The following GRAMD2B variants were observed in gnomAD, a reference collection of about 807,000 sequenced individuals.
The protein encoded by GRAMD2B is GRAM domain-containing protein 2B.
GRAMD2B carries 41 observed loss-of-function variants against 59.2 expected under a neutral mutation model. The ratio of observed to expected loss-of-function variants is 0.69; its 90% CI spans 0.54 to 0.90. The LOEUF (loss-of-function observed/expected upper bound fraction) is 0.90, where lower values mean the gene tolerates loss of function less well. GRAMD2B is among the 40% of genes least tolerant of loss of function. The probability of loss-of-function intolerance (pLI) is 0.00; values close to 1 mark genes in which losing one functional copy is unlikely to be tolerated. For synonymous variants in GRAMD2B, 161 were observed against 182.7 expected, an observed-to-expected ratio of 0.88 and a Z score of 0.96; for missense variants, 424 against 500.5, an observed-to-expected ratio of 0.85 and a Z score of 1.46.
chr5:126,390,615 T>C (rs1023475864), intron 1 of GRAMD2B, among the ~76,000 whole-genome samples: 2 of 152,212 alleles, frequency 1.3e-5, no homozygotes, highest in Admixed American at 1.3e-4. Flanking sequence ...CAGAAAGTTA[T>C]ATAACCGTAA....
At chr5:126,485,589 G>A in intron 10 of GRAMD2B, 97 bp from the exon 11 acceptor site, 1 of 660,414 alleles carries the variant, frequency 1.5e-6, no homozygotes, top group Non-Finnish European at 2.6e-6. Flanking sequence ...TTTTACCTGG[G>A]AACAATTACC....
rs571767020 is a variant in GRAMD2B, at chr5:126,441,298, C to G, written c.83+17609C>G. ...TTGTAATGTTGTAATCATTGTCCCT[C>G]AAATTAAGTCTCACATCAAACTGTG... On this transcript the variant is annotated intron_variant, in intron 1 of 13. Transcript: ENST00000285689. 2.0e-5 allele frequency among the ~76,000 whole-genome samples: 3 copies of G among 152,278 alleles called. No homozygotes were observed. The East Asian group carries it at 5.8e-4, about 29-fold the overall frequency.
upstream of GRAMD2B, chr5:126,423,133 C>A: frequency 1.0e-6 from 1 of 994,176 alleles, no homozygotes; most frequent in Non-Finnish European, 1.2e-6. Context: ...ACTCAGACGT[C>A]TCCATTTCCG....
In GRAMD2B at chr5:126,472,305, G is replaced by GT. The variant is rs763535271; in HGVS notation, c.382+2dup. ...CCAACGGAGGAACCACTGAAGCAAA[G>GT]TAAGTTCTGACCTGTTTGACTTTTT... On this transcript the variant is annotated splice_donor_variant, in intron 4 of 13. Transcript: ENST00000285689. LOFTEE classifies it high-confidence loss of function. 1.9e-6 allele frequency: 3 copies of GT among 1,613,186 alleles called. No homozygotes were observed. The highest frequency in any genetic ancestry group is 2.5e-6 in the Non-Finnish European group (3 of 1,179,146).
At chr5:126,411,757 T>C (rs1758809983) in intron 1 of GRAMD2B, among the ~76,000 whole-genome samples, 1 of 152,088 alleles carries the variant, frequency 6.6e-6, no homozygotes, top group Admixed American at 6.6e-5. Context: ...TTTCCATTTG[T>C]TTGTGTCATT....
chr5:126,365,083 T>C (rs1398813914), intron 1 of GRAMD2B, among the ~76,000 whole-genome samples: 1 of 152,254 alleles, frequency 6.6e-6, no homozygotes, highest in African/African-American at 2.4e-5. Flanking sequence ...TTCATTGTGA[T>C]TATCTCTGGT....
chr5:126,445,668 C>G (rs1164748705), intron 1 of GRAMD2B: 1 of 152,144 alleles, frequency 6.6e-6, no homozygotes. Context: ...TAAAGAGAAG[C>G]AGCTGCAGCC....
Position 126,457,187 on chromosome 5 carries a change from G to A in GRAMD2B, c.84-8239G>A, listed in dbSNP as rs570133309. 4.0e-3 allele frequency among the ~76,000 whole-genome samples: 221 copies of A among 55,880 alleles called. 1 individual carries two copies. Among genetic ancestry groups the A allele is most frequent in the African/African-American group, 0.015 (212 of 14,328 alleles). The allele number at this position is 55,880 out of a possible 152,430, so 36.7% of individuals were successfully genotyped here. A position where few individuals can be genotyped will look rare whatever the true frequency, so the allele number is the denominator to read the frequency against. ...AGCAGAGGCGACAGTGCGAGACTCCGTCTCAAAAAAAAAAAAAAAAAAAAA... is the reference window on the plus strand; with the variant it reads ...AGCAGAGGCGACAGTGCGAGACTCCATCTCAAAAAAAAAAAAAAAAAAAAA... On this transcript the variant is annotated intron_variant, in intron 1 of 13. Coordinates refer to ENST00000285689, the MANE Select transcript of GRAMD2B (RefSeq NM_023927.4).
rs116044953 is a variant in GRAMD2B at position 126,365,453 on chromosome 5, T to C, written c.128+4994T>C. 7.2e-3 allele frequency among the ~76,000 whole-genome samples: 1,096 copies of C among 152,352 alleles called. 16 individuals carry two copies. Among genetic ancestry groups the C allele is most frequent in the African/African-American group, 0.025 (1,019 of 41,574 alleles). ...TGCAATTTGACAGATAATAATGCTA[T>C]TGAAATCAAGAATGCTGCTTTTTAA... On this transcript the variant is annotated intron_variant, in intron 1 of 13. Coordinates refer to the GRAMD2B transcript ENST00000513040.
At chr5:126,373,662 T>C (rs1389354219) in intron 1 of GRAMD2B, among the ~76,000 whole-genome samples, 5 of 152,154 alleles carry the variant, frequency 3.3e-5, no homozygotes, top group Admixed American at 3.3e-4. Context: ...AAATACATAA[T>C]TCAAAAATTA....
rs557074005 is a variant in GRAMD2B, at chr5:126,446,634, A to C, written c.84-18792A>C. Among the ~76,000 whole-genome samples, 691 of 152,000 alleles carry C rather than the reference A, an allele frequency of 4.5e-3. 5 individuals are homozygous for C. Among genetic ancestry groups the C allele is most frequent in the African/African-American group, 0.015 (624 of 41,500 alleles). ...CTTTTAAAAATTAAAAAAAAAAAAA[A>C]AAAAAACCTATGTGTTCTCAATTTG... On this transcript the variant is annotated intron_variant, in intron 1 of 13. Coordinates refer to ENST00000285689, the MANE Select transcript of GRAMD2B (RefSeq NM_023927.4).
At chr5:126,385,264 T>G (rs1388173995) in intron 1 of GRAMD2B, among the ~76,000 whole-genome samples, 1 of 152,216 alleles carries the variant, frequency 6.6e-6, no homozygotes, top group Non-Finnish European at 1.5e-5. Context: ...CACAGGGATT[T>G]ATTAATAGAT....
At chr5:126,484,764 A>G (rs1772580340) in intron 10 of GRAMD2B, among the ~76,000 whole-genome samples, 1 of 151,930 alleles carries the variant, frequency 6.6e-6, no homozygotes, top group African/African-American at 2.4e-5. Flanking sequence ...TTGTATTTTT[A>G]GTAGAGACAG....
rs549881589 is a variant in GRAMD2B, at chr5:126,412,919, G to A, written c.125+41352G>A. On this transcript the variant is annotated intron_variant, in intron 1 of 8. Transcript: ENST00000506445. ...TGGAGGTGTTTATAATAGTCTCTGAGGATCTTCTGCATTTCTGTGGGATAG... is the reference window on the plus strand; with the variant it reads ...TGGAGGTGTTTATAATAGTCTCTGAAGATCTTCTGCATTTCTGTGGGATAG... Among the ~76,000 whole-genome samples the A allele has an allele frequency of 3.0e-4, 45 of 152,048 alleles. 1 individual carries two copies. In the South Asian group the frequency reaches 8.9e-3, roughly 30 times the overall value.
chr5:126,457,831 G>A (rs1309667748), intron 1 of GRAMD2B, among the ~76,000 whole-genome samples: 1 of 151,986 alleles, frequency 6.6e-6, no homozygotes, highest in Non-Finnish European at 1.5e-5. Context: ...GTGTGGGTCA[G>A]GTCCTGAAGT....
At chr5:126,464,683 G>A (rs1407683967) in intron 1 of GRAMD2B, among the ~76,000 whole-genome samples, 1 of 152,220 alleles carries the variant, frequency 6.6e-6, no homozygotes, top group African/African-American at 2.4e-5. Flanking sequence ...CCGTGGTTAA[G>A]ACAAAGATGA....
chr5:126,480,647 T>C lies in GRAMD2B; in HGVS notation c.675T>C (p.Ser225=), dbSNP rs749727326. ...GHLENTSVGN[S]PNPSSAENSF... ...TTCAGAATACAAGTGTTGGTAACAG[T>C]CCCAATCCATCTTCTGCTGAAAACA... The change falls in exon 8 of 14, where the codon AGT becomes AGC. Residue 225 remains serine, a synonymous_variant. Transcript: ENST00000285689. 3 of 1,614,116 alleles carry C rather than the reference T, an allele frequency of 1.9e-6. No individual in the cohort carries two copies. In the East Asian group the frequency reaches 6.7e-5, roughly 36 times the overall value.
chr5:126,459,807 G>A (rs1371428760), intron 1 of GRAMD2B, among the ~76,000 whole-genome samples: 1 of 152,182 alleles, frequency 6.6e-6, no homozygotes, highest in Non-Finnish European at 1.5e-5. Flanking sequence ...CACTTTATTA[G>A]TGAGAAGATA....
chr5:126,458,283 A>C (rs1766696672), intron 1 of GRAMD2B, among the ~76,000 whole-genome samples: 1 of 152,076 alleles, frequency 6.6e-6, no homozygotes, highest in Non-Finnish European at 1.5e-5. Flanking sequence ...AAAAATATAA[A>C]AATTAGCCAG....
Sources: gnomAD v4.1 joint callset for allele counts (sites outside exome capture counted in the v4.1 genomes callset) on GRCh38, gnomAD v4.1.1 for gene constraint, MANE v1.5 for transcripts, NCBI Gene and HGNC (gene_info 2026-07-23, HGNC 2026-07-21) for gene names.